The following ANKRD35 variants were observed in gnomAD, a reference collection of about 807,000 sequenced individuals.
ANKRD35 encodes the protein ankyrin repeat domain-containing protein 35.
In ANKRD35, 102 loss-of-function variants were observed where a neutral mutation model predicts 109.9. The ratio of observed to expected loss-of-function variants is 0.93; its 90% CI spans 0.79 to 1.09. The LOEUF is 1.09. ANKRD35 is among the 50% of genes least tolerant of loss of function. The pLI, the probability that ANKRD35 is intolerant of heterozygous loss-of-function variation, is 0.00. For missense variants in ANKRD35, 1,240 were observed against 1,230.1 expected (o/e 1.01, Z -0.12); for synonymous variants, 515 against 512.4 (o/e 1.01, Z -0.07).
intron 10 of ANKRD35, among the ~76,000 whole-genome samples, chr1:145,869,662 T>G (rs1653738109): frequency 6.6e-6 from 1 of 151,900 alleles, no homozygotes; most frequent in South Asian, 2.1e-4. Flanking sequence ...AGAGTTGGGG[T>G]TTTGCCATGT....
chr1:145,867,500 A>G (rs1653651716), intron 12 of ANKRD35, 108 bp from the exon 13 acceptor site: 1 of 862,718 alleles, frequency 1.2e-6, no homozygotes, highest in Non-Finnish European at 1.9e-6. Flanking sequence ...TTTACTATAT[A>G]CCTTCACTTA....
intron 1 of ANKRD35, among the ~76,000 whole-genome samples, chr1:145,879,834 T>G (rs377102758): frequency 6.6e-6 from 1 of 151,930 alleles, no homozygotes; most frequent in African/African-American, 2.4e-5. Context: ...CCTGAAACCC[T>G]GCTGCTCTGC....
intron 1 of ANKRD35, among the ~76,000 whole-genome samples, chr1:145,882,487 C>G (rs1346675527): frequency 1.4e-5 from 2 of 143,902 alleles, no homozygotes; most frequent in South Asian, 2.2e-4. Context: ...GATGAGGTAT[C>G]ACTGCATTGC....
chr1:145,884,432 T>C (rs1654403905), intron 1 of ANKRD35, among the ~76,000 whole-genome samples: 1 of 152,214 alleles, frequency 6.6e-6, no homozygotes, highest in Admixed American at 6.5e-5. Context: ...TAATTGAACA[T>C]TTCTGATATT....
rs6658371 is a variant in ANKRD35 at position 145,879,269 on chromosome 1, A to T, written c.159T>A (p.Asn53Lys). The change falls in exon 2 of 14, where the codon AAT (asparagine) becomes AAA (lysine). Residue 53 changes from asparagine (N) to lysine (K), a missense_variant. Physicochemically the swap from Asn to Lys is moderately conservative, Grantham distance 94. Coordinates refer to ENST00000355594, the MANE Select transcript of ANKRD35 (RefSeq NM_144698.5). ...KSARPTKLDSNGQSPFHLAAS... is the reference protein window; with the variant it reads ...KSARPTKLDSKGQSPFHLAAS... ...GAGGACTGACTTACGGGGACTGGCC[A>T]TTCGAGTCAAGCTTGGTGGGTCGGG... 3,217 of 1,608,120 alleles carry T rather than the reference A, an allele frequency of 2.0e-3. 63 individuals are homozygous for T. The African/African-American group carries it at 0.038, about 19-fold the overall frequency.
Position 145,872,998 on chromosome 1 carries a change from C to A in ANKRD35, c.1771G>T (p.Ala591Ser), listed in dbSNP as rs782412537. The A allele has an allele frequency of 6.2e-7, 1 of 1,609,438 alleles. No homozygotes were observed. Among genetic ancestry groups the A allele is most frequent in the Non-Finnish European group, 8.5e-7 (1 of 1,178,150 alleles). The stretch of plus-strand genomic sequence containing the variant: ...AGGGCCCCTAGAGGCTCTCCTTGAG[C>A]CCCAGGAACCCTTTTCTCCTTCTCT... ...DEEKEKRVPGAQGEPLGALGG... is the reference protein window; with the variant it reads ...DEEKEKRVPGSQGEPLGALGG... Residue 591 changes from alanine to serine, a missense_variant, in exon 10 of 14, where the codon GCT (alanine) becomes TCT (serine). Coordinates refer to ENST00000355594, the MANE Select transcript of ANKRD35 (RefSeq NM_144698.5).
chr1:145,868,771 TTA>T (rs1653698274), intron 10 of ANKRD35, among the ~76,000 whole-genome samples: 1 of 152,246 alleles, frequency 6.6e-6, no homozygotes, highest in Non-Finnish European at 1.5e-5. Flanking sequence ...CTCTCATGTT[TTA>T]AAGTGCAAAC....
intron 7 of ANKRD35, 122 bp from the exon 8 acceptor site, chr1:145,875,128 A>G: frequency 1.1e-6 from 1 of 928,442 alleles, no homozygotes; most frequent in Non-Finnish European, 1.6e-6. Flanking sequence ...ACAGACCAAC[A>G]TTAGACCAGA....
chr1:145,882,144 C>T lies in ANKRD35; in HGVS notation c.40-2756G>A, dbSNP rs1654314943. Among the ~76,000 whole-genome samples, 5 of 151,532 alleles carry T rather than the reference C, an allele frequency of 3.3e-5. No individual in the cohort carries two copies. In the South Asian group the frequency reaches 8.4e-4, roughly 25 times the overall value. ...TAATTTTTTGTATTTTTAGTAGAGACAGGGTTTCACCATGTTAGCCAGGAT... is the reference window on the plus strand; with the variant it reads ...TAATTTTTTGTATTTTTAGTAGAGATAGGGTTTCACCATGTTAGCCAGGAT... On this transcript the variant is annotated intron_variant, in intron 1 of 13. Coordinates refer to ENST00000355594, the MANE Select transcript of ANKRD35 (RefSeq NM_144698.5).
Position 145,876,808 on chromosome 1 carries a change from G to GCA in ANKRD35, c.382+6_382+7dup. 1 of 1,613,970 alleles carries GCA rather than the reference G, an allele frequency of 6.2e-7. No individual in the cohort carries two copies. On this transcript the variant is annotated splice_region_variant and intron_variant, in intron 5 of 13. Coordinates refer to ENST00000355594, the MANE Select transcript of ANKRD35 (RefSeq NM_144698.5). ...GCAGCCCTGTTCCCATGAGTCCCCT[G>GCA]CACACACCTGCCCAGTGCAATGGAC...
intron 1 of ANKRD35, among the ~76,000 whole-genome samples, chr1:145,880,160 GGCAT>G (rs1654234569): frequency 1.3e-5 from 2 of 152,110 alleles, no homozygotes; most frequent in African/African-American, 4.8e-5. Context: ...GCCACACCTG[GGCAT>G]GCATTGTTCT....
chr1:145,878,151 C>T (rs991332366), intron 3 of ANKRD35, 119 bp from the exon 4 acceptor site: 1 of 1,051,562 alleles, frequency 9.5e-7, no homozygotes, highest in African/African-American at 1.6e-5. Flanking sequence ...AGCTTTCAGC[C>T]ACACGGGGCC....
chr1:145,873,077 C>T lies in ANKRD35; in HGVS notation c.1692G>A (p.Gln564=). 6.2e-7 allele frequency: 1 copy of T among 1,612,796 alleles called. No individual in the cohort carries two copies. The highest frequency in any genetic ancestry group is 8.5e-7 in the Non-Finnish European group (1 of 1,179,364). Residue 564 remains glutamine (Q), a synonymous_variant, in exon 10 of 14, where the codon CAG becomes CAA. Coordinates refer to ENST00000355594, the MANE Select transcript of ANKRD35 (RefSeq NM_144698.5). ...GLQVKPEVPS[Q]ESREGALKAA... is the part of the protein sequence containing the mutation. ...CCTTTAGGGCTCCCTCTCTGGACTC[C>T]TGGGAAGGAACCTCAGGTTTCACCT...
In ANKRD35 at chr1:145,872,492, C is replaced by T. The variant is rs587685442; in HGVS notation, c.2277G>A (p.Gly759=). 1.9e-6 allele frequency: 3 copies of T among 1,599,058 alleles called. No homozygotes were observed. Among genetic ancestry groups the T allele is most frequent in the South Asian group, 2.2e-5 (2 of 89,278 alleles). ...RLQEENQQLR[G]SLSPCREPGT... ...CTGGCTCCCTACACGGGGACAAGGA[C>T]CCCCGCAACTGCTGGTTTTCTTCTT... The change falls in exon 10 of 14, where the codon GGG becomes GGA. Residue 759 remains glycine (G), a synonymous_variant. Coordinates refer to ENST00000355594, the MANE Select transcript of ANKRD35 (RefSeq NM_144698.5).
At position 145,868,116 on chromosome 1, in the gene ANKRD35, G is replaced by A. The variant is rs376373155; in HGVS notation, c.2878-60C>T. ...ACCCTCAGTCACCCAAGCATGAGGA[G>A]CAACACAATGAAGTGGTCAGCAGTA... On this transcript the variant is annotated intron_variant, in intron 11 of 13. Coordinates refer to ENST00000355594, the MANE Select transcript of ANKRD35 (RefSeq NM_144698.5). 69 of 1,563,450 alleles carry A rather than the reference G, an allele frequency of 4.4e-5. No homozygotes were observed. In the African/African-American group the frequency reaches 8.1e-4, roughly 18 times the overall value.
intron 13 of ANKRD35, 105 bp downstream of exon 13, chr1:145,867,182 T>C: frequency 2.7e-6 from 2 of 731,980 alleles, no homozygotes; most frequent in Non-Finnish European, 4.7e-6. Context: ...AGGCTCCCCA[T>C]TGTCAGCCAC....
At position 145,872,991 on chromosome 1, in the gene ANKRD35, C is replaced by T. The variant is rs1559173290; in HGVS notation, c.1778G>A (p.Gly593Glu). 1.9e-6 allele frequency: 3 copies of T among 1,610,484 alleles called. No individual in the cohort carries two copies. The South Asian group carries it at 3.3e-5, about 18-fold the overall frequency. Residue 593 changes from glycine (G) to glutamate (E), a missense_variant, in exon 10 of 14, where the codon GGA (glycine) becomes GAA (glutamate). Coordinates refer to ENST00000355594, the MANE Select transcript of ANKRD35 (RefSeq NM_144698.5). Reference protein sequence around the residue: ...EKEKRVPGAQGEPLGALGGEK... With the variant: ...EKEKRVPGAQEEPLGALGGEK... ...CCCTCCAAGGGCCCCTAGAGGCTCT[C>T]CTTGAGCCCCAGGAACCCTTTTCTC...
chr1:145,875,159 T>C (rs1246653736), intron 7 of ANKRD35, among the ~76,000 whole-genome samples, 153 bp from the exon 8 acceptor site: 4 of 152,248 alleles, frequency 2.6e-5, no homozygotes, highest in African/African-American at 9.6e-5. Flanking sequence ...CTTTTTTTTT[T>C]TTTGAGACGG....
intron 2 of ANKRD35, 43 bp downstream of exon 2, chr1:145,879,215 A>G (rs1553740660): frequency 1.3e-6 from 2 of 1,520,038 alleles, no homozygotes; most frequent in South Asian, 1.3e-5. Context: ...GGGCTTCAAA[A>G]GGGAGCCACA....
Sources: allele counts gnomAD v4.1 joint callset (sites outside exome capture counted in the v4.1 genomes callset), GRCh38; gene constraint gnomAD v4.1.1; transcripts MANE v1.5; gene names NCBI Gene and HGNC (gene_info 2026-07-23, HGNC 2026-07-21).